Variants in SORCS2 observed in about 807,000 individuals in gnomAD.
SORCS2 encodes sortilin related VPS10 domain containing receptor 2, also known as VPS10 domain-containing receptor SorCS2.
In SORCS2, 100 loss-of-function variants were observed where a neutral mutation model predicts 141.6. The ratio of observed to expected loss-of-function variants is 0.71; its 90% CI spans 0.60 to 0.83. SORCS2 has a LOEUF of 0.83. SORCS2 is among the 40% of genes least tolerant of loss of function. SORCS2 has a pLI of 0.00. For missense variants in SORCS2, 1,646 were observed against 1,560.2 expected (o/e 1.05, Z -0.93); for synonymous variants, 789 against 676.9 (o/e 1.17, Z -2.57).
intron 1 of SORCS2, among the ~76,000 whole-genome samples, chr4:7,344,163 TTAAC>T (rs558080807): frequency 3.2e-4 from 48 of 152,346 alleles, no homozygotes; most frequent in East Asian, 1.2e-3. Context: ...GTCCTTTGAC[TTAAC>T]TAACTATCAG....
At chr4:7,223,081 C>T (rs569822346) in intron 1 of SORCS2, among the ~76,000 whole-genome samples, 1 of 152,156 alleles carries the variant, frequency 6.6e-6, no homozygotes, top group South Asian at 2.1e-4. Flanking sequence ...GTATTAAAAA[C>T]AACAACCAAC....
intron 1 of SORCS2, among the ~76,000 whole-genome samples, chr4:7,338,857 G>A (rs1720196687): frequency 6.6e-6 from 1 of 152,176 alleles, no homozygotes; most frequent in Non-Finnish European, 1.5e-5. Flanking sequence ...TTGCTCCTGG[G>A]CCTCCAAGGC....
At chr4:7,408,986 TG>T (rs550558379) in intron 2 of SORCS2, among the ~76,000 whole-genome samples, 1 of 152,142 alleles carries the variant, frequency 6.6e-6, no homozygotes, top group Non-Finnish European at 1.5e-5. Flanking sequence ...ATTGCTTTTC[TG>T]TGTTATCTTG....
intron 1 of SORCS2, among the ~76,000 whole-genome samples, chr4:7,199,834 T>C (rs1452739631): frequency 6.6e-6 from 1 of 152,078 alleles, no homozygotes; most frequent in African/African-American, 2.4e-5. Flanking sequence ...TGAGGACCCC[T>C]GAGAAGCTCC....
chr4:7,422,252 T>A (rs939528851), intron 2 of SORCS2, among the ~76,000 whole-genome samples: 8 of 152,260 alleles, frequency 5.3e-5, no homozygotes, highest in Admixed American at 1.3e-4. Context: ...GGCTGATTTG[T>A]CTCAGAGCCC....
intron 2 of SORCS2, among the ~76,000 whole-genome samples, chr4:7,503,250 C>T (rs1290134619): frequency 6.6e-6 from 1 of 152,184 alleles, no homozygotes; most frequent in Non-Finnish European, 1.5e-5. Context: ...ATATATATGT[C>T]ACCCACACTC....
intron 3 of SORCS2, among the ~76,000 whole-genome samples, chr4:7,579,951 C>A (rs1307443813): frequency 6.6e-6 from 1 of 152,036 alleles, no homozygotes; most frequent in Admixed American, 6.5e-5. Context: ...TGGAGTGAGT[C>A]CAGGCAGAGG....
intron 2 of SORCS2, among the ~76,000 whole-genome samples, chr4:7,468,002 C>G (rs374753863): frequency 1.3e-5 from 2 of 152,206 alleles, no homozygotes; most frequent in African/African-American, 4.8e-5. Flanking sequence ...AGATCTGTAC[C>G]TTTCTGCCCC....
chr4:7,437,988 G>T (rs1284705705), intron 2 of SORCS2, among the ~76,000 whole-genome samples: 3 of 152,142 alleles, frequency 2.0e-5, no homozygotes, highest in Non-Finnish European at 2.9e-5. Context: ...CAGTTACTTT[G>T]GTGCCTATTT....
intron 14 of SORCS2, among the ~76,000 whole-genome samples, chr4:7,712,132 C>G (rs16840871): frequency 1.2e-4 from 18 of 152,186 alleles, no homozygotes; most frequent in Non-Finnish European, 2.4e-4. Context: ...TTCCCCCACC[C>G]ACCTAGGCTG....
At chr4:7,646,060 G>A (rs574237595) in intron 4 of SORCS2, among the ~76,000 whole-genome samples, 7 of 152,364 alleles carry the variant, frequency 4.6e-5, no homozygotes, top group South Asian at 4.1e-4. Flanking sequence ...TGGGCCTTGC[G>A]CACCCGGCAG....
intron 2 of SORCS2, among the ~76,000 whole-genome samples, chr4:7,473,865 G>T (rs985421870): frequency 6.6e-6 from 1 of 152,182 alleles, no homozygotes; most frequent in African/African-American, 2.4e-5. Context: ...GGGGAGAGGG[G>T]TTCCCCATGC....
rs147791668 is a variant in SORCS2, at chr4:7,296,031, G to A, written c.481-100257G>A. Among the ~76,000 whole-genome samples the A allele has an allele frequency of 9.4e-3, 1,425 of 152,292 alleles. 25 individuals are homozygous for A. Among genetic ancestry groups the A allele is most frequent in the Non-Finnish European group, 9.7e-3 (660 of 68,016 alleles). On this transcript the variant is annotated intron_variant, in intron 1 of 26. Transcript: ENST00000507866. ...CTGCGTCATGGCTGCGTGTGTGGCTGGGGGTCCGTGCTGGGGGCCACAGGG... is the reference window on the plus strand; with the variant it reads ...CTGCGTCATGGCTGCGTGTGTGGCTAGGGGTCCGTGCTGGGGGCCACAGGG...
At chr4:7,725,814 C>A (rs558101381) in intron 20 of SORCS2, among the ~76,000 whole-genome samples, 72 of 152,342 alleles carry the variant, frequency 4.7e-4, no homozygotes, top group African/African-American at 1.7e-3. Flanking sequence ...TCCACTCATT[C>A]AGCAAACAGC....
At chr4:7,248,344 C>G (rs200056635) in intron 1 of SORCS2, among the ~76,000 whole-genome samples, 1 of 146,664 alleles carries the variant, frequency 6.8e-6, no homozygotes, top group Non-Finnish European at 1.5e-5. Flanking sequence ...CGTGGGGGGG[C>G]CCTGGGATGG....
intron 3 of SORCS2, among the ~76,000 whole-genome samples, chr4:7,544,513 C>A (rs529946586): frequency 2.0e-5 from 3 of 152,274 alleles, no homozygotes; most frequent in South Asian, 2.1e-4. Context: ...AGGCTCAGGG[C>A]GGCCAGCAGG....
In SORCS2 at chr4:7,419,126, G is replaced by T. The variant is rs538589855; in HGVS notation, c.548+22771G>T. Among the ~76,000 whole-genome samples the T allele has an allele frequency of 2.6e-5, 4 of 152,338 alleles. No homozygotes were observed. The South Asian group carries it at 8.3e-4, about 32-fold the overall frequency. On this transcript the variant is annotated intron_variant, in intron 2 of 26. Transcript: ENST00000507866. ...GAAATAACTCCACTTATTAAAGGAA[G>T]GACCTTTGCAAATGGGTGTGGATAC...
chr4:7,489,897 G>A (rs947708216), intron 2 of SORCS2, among the ~76,000 whole-genome samples: 1 of 152,210 alleles, frequency 6.6e-6, no homozygotes, highest in African/African-American at 2.4e-5. Flanking sequence ...GCCACAAGGA[G>A]GGGCATTCCA....
At chr4:7,348,768 G>A (rs148755204) in intron 1 of SORCS2, among the ~76,000 whole-genome samples, 2,544 of 152,236 alleles carry the variant, frequency 0.017, 101 homozygotes, top group East Asian at 0.14. Context: ...GGCCAGGCTG[G>A]TCTTGAACTC....
Sources: gnomAD v4.1 joint callset for allele counts (sites outside exome capture counted in the v4.1 genomes callset) on GRCh38, gnomAD v4.1.1 for gene constraint, MANE v1.5 for transcripts, NCBI Gene and HGNC (gene_info 2026-07-23, HGNC 2026-07-21) for gene names.